Variants in LGR4 observed in about 807,000 individuals in gnomAD.
LGR4 encodes leucine rich repeat containing G protein-coupled receptor 4.
LGR4 carries 44 observed loss-of-function variants against 84.8 expected under a neutral mutation model. The observed-to-expected ratio is 0.52, with a 90% CI of 0.41 to 0.67. The LOEUF is 0.67. Among genes scored for constraint, LGR4 ranks in the 30% least tolerant of loss-of-function variants. The pLI is 0.00. For synonymous variants in LGR4, 429 were observed against 434.3 expected, an observed-to-expected ratio of 0.99 and a Z score of 0.15; for missense variants, 1,032 against 1,131.4, an observed-to-expected ratio of 0.91 and a Z score of 1.26.
chr11:27,388,755 C>T (rs1200794224), intron 4 of LGR4, among the ~76,000 whole-genome samples: 1 of 152,100 alleles, frequency 6.6e-6, no homozygotes, highest in Non-Finnish European at 1.5e-5. Context: ...TCTGTTCTAA[C>T]TTACCAATAA....
chr11:27,422,988 A>G (rs1318527488), intron 1 of LGR4, among the ~76,000 whole-genome samples: 1 of 152,216 alleles, frequency 6.6e-6, no homozygotes, highest in Non-Finnish European at 1.5e-5. Context: ...TTAGAAGTAT[A>G]CATTAACATC....
At chr11:27,369,249 C>A (rs1445076673) in intron 17 of LGR4, 106 bp from the exon 18 acceptor site, 2 of 875,676 alleles carry the variant, frequency 2.3e-6, no homozygotes, top group Admixed American at 6.6e-5. Flanking sequence ...CTAATTAAAT[C>A]TGCTCTCTAC....
At chr11:27,426,005 G>A (rs1347705391) in intron 1 of LGR4, among the ~76,000 whole-genome samples, 2 of 152,152 alleles carry the variant, frequency 1.3e-5, no homozygotes, top group East Asian at 3.9e-4. Flanking sequence ...CATCTGTTGA[G>A]TGAATGATGT....
intron 1 of LGR4, among the ~76,000 whole-genome samples, chr11:27,429,510 A>G (rs1864080610): frequency 1.3e-5 from 2 of 149,428 alleles, no homozygotes; most frequent in African/African-American, 4.9e-5. Context: ...TAGAAACAGG[A>G]AGGGGAGGTG....
At chr11:27,440,181 C>T (rs945151471) in intron 1 of LGR4, among the ~76,000 whole-genome samples, 1 of 152,140 alleles carries the variant, frequency 6.6e-6, no homozygotes, top group Non-Finnish European at 1.5e-5. Flanking sequence ...ACTGGGATTA[C>T]AGGCGTGAGC....
At chr11:27,451,913 G>A (rs1864487757) in intron 1 of LGR4, among the ~76,000 whole-genome samples, 1 of 152,070 alleles carries the variant, frequency 6.6e-6, no homozygotes, top group African/African-American at 2.4e-5. Flanking sequence ...TAAACCTAAT[G>A]CATAATTTGC....
At chr11:27,408,455 C>T (rs1304597691) in intron 2 of LGR4, among the ~76,000 whole-genome samples, 1 of 152,068 alleles carries the variant, frequency 6.6e-6, no homozygotes, top group East Asian at 1.9e-4. Flanking sequence ...CTGCTGTTGC[C>T]ACATCAAAGT....
At chr11:27,432,779 C>T (rs747510490) in intron 1 of LGR4, among the ~76,000 whole-genome samples, 1 of 152,164 alleles carries the variant, frequency 6.6e-6, no homozygotes, top group Admixed American at 6.5e-5. Context: ...TAATCTTTTT[C>T]TTTGCATGCT....
At chr11:27,401,519 T>TA (rs915143359) in intron 2 of LGR4, among the ~76,000 whole-genome samples, 18 of 150,284 alleles carry the variant, frequency 1.2e-4, no homozygotes, top group African/African-American at 3.2e-4. Context: ...GTTCCAGCTT[T>TA]AAAAAAAAAA....
In LGR4 at chr11:27,376,364, TA is replaced by T; in HGVS notation, c.1115del (p.Leu372TyrfsTer9). 6.6e-7 allele frequency: 1 copy of T among 1,509,770 alleles called. No individual in the cohort carries two copies. Among genetic ancestry groups the T allele is most frequent in the Non-Finnish European group, 9.1e-7 (1 of 1,096,954 alleles). The allele number at this position is 1,509,770 out of a possible 1,614,324, so 93.5% of individuals were successfully genotyped here. On this transcript the variant is annotated frameshift_variant, in exon 13 of 18. Coordinates refer to ENST00000379214, the MANE Select transcript of LGR4 (RefSeq NM_018490.5). LOFTEE classifies it high-confidence loss of function. Reference protein sequence around the residue: ...NGCHALEEISLQRNQIYQIKE... With the variant: ...NGCHALEEISXQRNQIYQIKE... ...TTATTTGGTAGATTTGATTACGCTGTAAAGAACTAAATAAAAAAAGAAGAAG... is the reference window on the plus strand; with the variant it reads ...TTATTTGGTAGATTTGATTACGCTGTAAGAACTAAATAAAAAAAGAAGAAG...
intron 1 of LGR4, among the ~76,000 whole-genome samples, chr11:27,464,078 C>T (rs1229838695): frequency 6.6e-6 from 1 of 152,204 alleles, no homozygotes; most frequent in East Asian, 1.9e-4. Flanking sequence ...TTTCTCTTCC[C>T]TACTACAGAA....
chr11:27,388,064 G>A (rs924060865), intron 4 of LGR4, among the ~76,000 whole-genome samples: 1 of 152,038 alleles, frequency 6.6e-6, no homozygotes, highest in African/African-American at 2.4e-5. Flanking sequence ...ATAAAAGCAT[G>A]GATACAATTT....
intron 3 of LGR4, among the ~76,000 whole-genome samples, chr11:27,392,084 C>T (rs1398596676): frequency 6.6e-6 from 1 of 152,094 alleles, no homozygotes; most frequent in Non-Finnish European, 1.5e-5. Context: ...ACTTGTAAGC[C>T]TTTTTCCCTT....
chr11:27,461,333 T>C (rs773166774), intron 1 of LGR4, among the ~76,000 whole-genome samples: 9 of 149,116 alleles, frequency 6.0e-5, no homozygotes, highest in Non-Finnish European at 1.2e-4. Context: ...TGAGATCCTA[T>C]CTCCATAAAT....
intron 1 of LGR4, among the ~76,000 whole-genome samples, chr11:27,427,504 G>A (rs1460394925): frequency 6.6e-6 from 1 of 152,156 alleles, no homozygotes; most frequent in Admixed American, 6.5e-5. Context: ...AGATAACCCA[G>A]GCTCATATTA....
chr11:27,383,575 C>T (rs573911873), intron 6 of LGR4, among the ~76,000 whole-genome samples: 2 of 152,196 alleles, frequency 1.3e-5, no homozygotes, highest in African/African-American at 4.8e-5. Flanking sequence ...GATTTTAAGT[C>T]TTCTCATTAA....
chr11:27,427,632 C>A (rs1590385256), intron 1 of LGR4, among the ~76,000 whole-genome samples: 1 of 152,148 alleles, frequency 6.6e-6, no homozygotes, highest in Non-Finnish European at 1.5e-5. Context: ...TGGGTAGGCA[C>A]AATTTTTACA....
intron 8 of LGR4, 45 bp downstream of exon 8, chr11:27,380,850 G>C: frequency 7.8e-7 from 1 of 1,278,772 alleles, no homozygotes. Flanking sequence ...TACGGACACA[G>C]CTTCACATAA....
chr11:27,446,706 A>G (rs957972705), intron 1 of LGR4, among the ~76,000 whole-genome samples: 3 of 152,186 alleles, frequency 2.0e-5, no homozygotes, highest in Non-Finnish European at 2.9e-5. Context: ...AAGGATTATA[A>G]ATCATGTTGC....
Sources: gnomAD v4.1 joint callset for allele counts (sites outside exome capture counted in the v4.1 genomes callset) on GRCh38, gnomAD v4.1.1 for gene constraint, MANE v1.5 for transcripts, NCBI Gene and HGNC (gene_info 2026-07-23, HGNC 2026-07-21) for gene names.